SAMMSON: variants seen among roughly 807,000 people sequenced by gnomAD.
The protein encoded by SAMMSON is long intergenic non-protein coding RNA 1212.
At chr3:70,233,457 C>T (rs889690227) in intron 4 of SAMMSON, among the ~76,000 whole-genome samples, 4 of 152,234 alleles carry the variant, frequency 2.6e-5, no homozygotes, top group Admixed American at 6.5e-5. Flanking sequence ...CTTCCCTTTT[C>T]GTTGTTTGCT....
At chr3:70,023,352 T>C (rs1224572147) in intron 3 of SAMMSON, among the ~76,000 whole-genome samples, 1 of 151,862 alleles carries the variant, frequency 6.6e-6, no homozygotes, top group Non-Finnish European at 1.5e-5. Flanking sequence ...TCTCAGCTAC[T>C]TGGGAGGCTG....
rs553637994 is a variant in SAMMSON at position 70,087,579 on chromosome 3, C to T, written n.507+16014C>T. The stretch of plus-strand genomic sequence containing the variant: ...CAAGTGGTATAGCCACGCATGTTCT[C>T]ATTAGCAGAGATGACACTGGAGTTA... On this transcript the variant is annotated intron_variant and non_coding_transcript_variant, in intron 4 of 9. Coordinates refer to ENST00000642114, the Ensembl canonical transcript of SAMMSON. Among the ~76,000 whole-genome samples the T allele has an allele frequency of 3.9e-5, 6 of 152,272 alleles. 1 individual carries two copies. In the South Asian group the frequency reaches 1.2e-3, roughly 32 times the overall value.
chr3:70,170,973 C>G (rs1230970952), intron 4 of SAMMSON, among the ~76,000 whole-genome samples: 1 of 151,658 alleles, frequency 6.6e-6, no homozygotes, highest in African/African-American at 2.4e-5. Context: ...GTGATTAGAC[C>G]TTGAAATGCA....
intron 7 of SAMMSON, among the ~76,000 whole-genome samples, chr3:70,309,085 G>A (rs1575622293): frequency 2.0e-5 from 3 of 152,236 alleles, no homozygotes; most frequent in African/African-American, 2.4e-5. Context: ...GGGAGTGAGG[G>A]AGGTTGGAGG....
intron 3 of SAMMSON, chr3:70,025,318 C>T (rs949532239): frequency 6.6e-6 from 1 of 152,136 alleles, no homozygotes; most frequent in African/African-American, 2.4e-5. Context: ...AATCTCAACT[C>T]ACTGCAACCT....
chr3:70,015,996 C>G (rs2066983402), intron 3 of SAMMSON, among the ~76,000 whole-genome samples: 1 of 152,152 alleles, frequency 6.6e-6, no homozygotes, highest in Non-Finnish European at 1.5e-5. Context: ...CAAGTCTTTG[C>G]TGTTGTGAAT....
At chr3:70,080,471 A>G (rs1245178607) in intron 4 of SAMMSON, among the ~76,000 whole-genome samples, 1 of 152,184 alleles carries the variant, frequency 6.6e-6, no homozygotes, top group African/African-American at 2.4e-5. Context: ...GAATGAACAA[A>G]TACATGTATA....
rs1450705349 is a variant in SAMMSON, at chr3:70,289,484, C to A, written n.675-1695C>A. Among the ~76,000 whole-genome samples, 7 of 149,472 alleles carry A rather than the reference C, an allele frequency of 4.7e-5. No homozygotes were observed. The East Asian group carries it at 1.4e-3, about 30-fold the overall frequency. On this transcript the variant is annotated intron_variant and non_coding_transcript_variant, in intron 6 of 9. Transcript: ENST00000642114. ...GTAACCCAACCTTTCTCTCTGGCTG[C>A]CCTTAACATTTTTTCCTTCATTTCA...
At chr3:70,226,437 T>C (rs1467465116) in intron 4 of SAMMSON, among the ~76,000 whole-genome samples, 1 of 152,166 alleles carries the variant, frequency 6.6e-6, no homozygotes, top group Admixed American at 6.5e-5. Context: ...TCACTGGATC[T>C]TTAAAAATTA....
intron 7 of SAMMSON, among the ~76,000 whole-genome samples, chr3:70,337,544 T>G (rs1702674877): frequency 6.6e-6 from 1 of 152,002 alleles, no homozygotes; most frequent in Non-Finnish European, 1.5e-5. Context: ...TTCATTATAA[T>G]TTCTTGCAAT....
intron 6 of SAMMSON, among the ~76,000 whole-genome samples, chr3:70,253,329 G>A (rs1460796070): frequency 9.2e-5 from 14 of 152,240 alleles, no homozygotes; most frequent in East Asian, 7.7e-4. Context: ...CAGAGGCAGG[G>A]GTGTGCATGG....
In SAMMSON at chr3:70,032,000, G is replaced by A. The variant is rs574764275; in HGVS notation, n.417+18328G>A. ...TGAGTTGTGTTTTACACATTTTTGT[G>A]TGCAATGCACATTTTTCCCTAACCA... is the stretch of plus-strand genomic sequence containing the variant. On this transcript the variant is annotated intron_variant and non_coding_transcript_variant, in intron 3 of 9. Coordinates refer to ENST00000642114, the Ensembl canonical transcript of SAMMSON. 5.4e-4 allele frequency among the ~76,000 whole-genome samples: 82 copies of A among 152,288 alleles called. 1 individual carries two copies. The highest frequency in any genetic ancestry group is 4.1e-3 in the South Asian group (20 of 4,824).
intron 2 of SAMMSON, among the ~76,000 whole-genome samples, chr3:70,434,095 T>C (rs1219691624): frequency 6.6e-6 from 1 of 152,236 alleles, no homozygotes; most frequent in African/African-American, 2.4e-5. Flanking sequence ...CTGAATTTGT[T>C]GTCCTTCAAT....
chr3:70,067,556 C>G (rs2067214723), intron 3 of SAMMSON, among the ~76,000 whole-genome samples: 1 of 151,988 alleles, frequency 6.6e-6, no homozygotes, highest in African/African-American at 2.4e-5. Flanking sequence ...AATACATTCA[C>G]TTTTAGGGAA....
At chr3:70,087,988 G>A (rs1485352903) in intron 4 of SAMMSON, among the ~76,000 whole-genome samples, 1 of 152,166 alleles carries the variant, frequency 6.6e-6, no homozygotes, top group East Asian at 1.9e-4. Flanking sequence ...TAACTAAAAT[G>A]TATAGGGGAG....
intron 9 of SAMMSON, among the ~76,000 whole-genome samples, chr3:70,360,194 G>A (rs529776824): frequency 8.5e-5 from 13 of 152,172 alleles, no homozygotes; most frequent in African/African-American, 2.9e-4. Context: ...AAGGAGAAGA[G>A]CAAAAGATCT....
At chr3:70,006,021 G>A (rs2066925074) in intron 1 of SAMMSON, among the ~76,000 whole-genome samples, 1 of 152,102 alleles carries the variant, frequency 6.6e-6, no homozygotes, top group Non-Finnish European at 1.5e-5. Context: ...AAGAATTATA[G>A]TTTTAATAAC....
At chr3:70,427,310 T>A (rs1701377972) in intron 2 of SAMMSON, among the ~76,000 whole-genome samples, 1 of 152,216 alleles carries the variant, frequency 6.6e-6, no homozygotes, top group Non-Finnish European at 1.5e-5. Flanking sequence ...GTTAGTAGTT[T>A]CTACTAACTG....
intron 4 of SAMMSON, among the ~76,000 whole-genome samples, chr3:70,087,568 A>T (rs923680885): frequency 1.3e-5 from 2 of 152,210 alleles, no homozygotes; most frequent in Non-Finnish European, 2.9e-5. Context: ...TGGTATAGCC[A>T]CGCATGTTCT....
Sources: allele counts gnomAD v4.1 joint callset (sites outside exome capture counted in the v4.1 genomes callset), GRCh38; gene constraint gnomAD v4.1.1; transcripts MANE v1.5; gene names NCBI Gene and HGNC (gene_info 2026-07-23, HGNC 2026-07-21).